The following FAF2 variants were observed in gnomAD, a reference collection of about 807,000 sequenced individuals.
FAF2 encodes FAS-associated factor 2.
FAF2 carries 9 observed loss-of-function variants against 62.3 expected under a neutral mutation model. That is an observed-to-expected ratio of 0.14 (90% CI 0.09 to 0.25). The LOEUF (loss-of-function observed/expected upper bound fraction) is 0.25, where lower values mean the gene tolerates loss of function less well. FAF2 is among the 10% of genes least tolerant of loss of function. The pLI, the probability that FAF2 is intolerant of heterozygous loss-of-function variation, is 1.00. For missense variants in FAF2, 368 were observed against 556.2 expected (o/e 0.66, Z 3.40); for synonymous variants, 202 against 198.0 (o/e 1.02, Z -0.17).
At chr5:176,498,792 C>T (rs974757605) in intron 8 of FAF2, 122 bp from the exon 9 acceptor site, 7 of 902,574 alleles carry the variant, frequency 7.8e-6, no homozygotes, top group Non-Finnish European at 1.1e-5. Flanking sequence ...AGTGTGAAAT[C>T]GTCATCTGCT....
Position 176,494,657 on chromosome 5 carries a change from C to T in FAF2, c.661+382C>T, listed in dbSNP as rs548065334. Among the ~76,000 whole-genome samples the T allele has an allele frequency of 2.0e-4, 30 of 152,220 alleles. No individual in the cohort carries two copies. The South Asian group carries it at 4.4e-3, about 22-fold the overall frequency. On this transcript the variant is annotated intron_variant, in intron 7 of 10. Transcript: ENST00000261942. The surrounding 1 kb of genome is among the most constrained non-coding windows in gnomAD (Gnocchi z 4.0). ...GCAACCTCCACCTCCTGGGTTCAAG[C>T]GATTGTCCTGCCTCAGCCTCCTGAG...
At chr5:176,488,595 G>A (rs1758915055) in intron 3 of FAF2, among the ~76,000 whole-genome samples, 1 of 151,714 alleles carries the variant, frequency 6.6e-6, no homozygotes, top group Non-Finnish European at 1.5e-5. Context: ...GCTAATTTTT[G>A]TATTTTTAGT....
chr5:176,464,437 T>C (rs1377609437), intron 1 of FAF2, among the ~76,000 whole-genome samples: 1 of 151,978 alleles, frequency 6.6e-6, no homozygotes, highest in African/African-American at 2.4e-5. Flanking sequence ...TGGTTATATC[T>C]TGATTTGCAC....
chr5:176,501,746 C>T (rs1755594004), intron 10 of FAF2, among the ~76,000 whole-genome samples: 1 of 151,962 alleles, frequency 6.6e-6, no homozygotes, highest in Non-Finnish European at 1.5e-5. Flanking sequence ...GGGGGAAGTG[C>T]TTATGTCTCT....
At position 176,448,406 on chromosome 5, in the gene FAF2, A is replaced by G; in HGVS notation, c.-2A>G. 1.2e-6 allele frequency: 2 copies of G among 1,605,504 alleles called. No individual in the cohort carries two copies. Among genetic ancestry groups the G allele is most frequent in the Admixed American group, 1.7e-5 (1 of 58,584 alleles). The stretch of plus-strand genomic sequence containing the variant: ...GGTCAGGAGCGTAGAGGCGGCGGCA[A>G]AATGGCGGCGCCTGAGGAGCGGGAT... On this transcript the variant is annotated 5_prime_UTR_variant, in exon 1 of 11. Coordinates refer to ENST00000261942, the MANE Select transcript of FAF2 (RefSeq NM_014613.3).
Position 176,507,400 on chromosome 5 carries a change from A to G in FAF2, c.*450A>G. ...CTTGCTTCTCCTGCCTCTGGGGAAG[A>G]GAGGGAAGAGAAAGCACAGAGCAGA... On this transcript the variant is annotated 3_prime_UTR_variant, in exon 11 of 11. Coordinates refer to ENST00000261942, the MANE Select transcript of FAF2 (RefSeq NM_014613.3). The G allele has an allele frequency of 2.3e-6, 1 of 437,230 alleles. No homozygotes were observed. The highest frequency in any genetic ancestry group is 1.6e-5 in the South Asian group (1 of 60,738). 27.1% of individuals were successfully genotyped at this position (437,230 alleles called of 1,614,324 possible). A position where few individuals can be genotyped will look rare whatever the true frequency, so the allele number is the denominator to read the frequency against.
rs527310160 is a variant in FAF2 at position 176,491,939 on chromosome 5, G to C, written c.345-255G>C. Among the ~76,000 whole-genome samples, 28 of 152,182 alleles carry C rather than the reference G, an allele frequency of 1.8e-4. No homozygotes were observed. The South Asian group carries it at 5.8e-3, about 32-fold the overall frequency. Reference sequence around the variant, plus strand: ...AAATTGTTCTACAAAAAATACTCAGGATTTATGTAGGCCAGTGTTGGAATT... The same window carrying C: ...AAATTGTTCTACAAAAAATACTCAGCATTTATGTAGGCCAGTGTTGGAATT... On this transcript the variant is annotated intron_variant, in intron 4 of 10. Coordinates refer to ENST00000261942, the MANE Select transcript of FAF2 (RefSeq NM_014613.3).
chr5:176,500,025 G>A lies in FAF2; in HGVS notation c.1034G>A (p.Arg345Lys), dbSNP rs767203421. Residue 345 changes from arginine to lysine, a missense_variant, in exon 10 of 11, where the codon AGG becomes AAG. Arg to Lys is a conservative substitution (Grantham distance 26, BLOSUM62 2). Around this residue, in one of 2 missense-constraint regions of FAF2, gnomAD observed 331 missense variants for 441.9 expected, o/e 0.75. Coordinates refer to ENST00000261942, the MANE Select transcript of FAF2 (RefSeq NM_014613.3). ...RRQNLQEEKERKLECLPPEPS... is the reference protein window; with the variant it reads ...RRQNLQEEKEKKLECLPPEPS... The stretch of plus-strand genomic sequence containing the variant: ...CAGAATTTACAGGAGGAAAAGGAAA[G>A]GAAGTTGGAATGCCTGCCCCCTGAA... 8.7e-6 allele frequency: 14 copies of A among 1,614,038 alleles called. No individual in the cohort carries two copies. Among genetic ancestry groups the A allele is most frequent in the African/African-American group, 2.7e-5 (2 of 74,908 alleles).
At chr5:176,481,656 C>CAA (rs1399294224) in intron 2 of FAF2, among the ~76,000 whole-genome samples, 1 of 137,508 alleles carries the variant, frequency 7.3e-6, no homozygotes. Context: ...GACTCTGTCT[C>CAA]AAAAAAAAAA....
intron 10 of FAF2, among the ~76,000 whole-genome samples, chr5:176,506,016 CCA>C (rs1755677526): frequency 5.9e-5 from 9 of 151,950 alleles, no homozygotes; most frequent in Admixed American, 1.3e-4. Context: ...CGGTGAAACC[CCA>C]TCTCTGCTAA....
chr5:176,503,936 C>T (rs28422798), intron 10 of FAF2, among the ~76,000 whole-genome samples: 10 of 151,974 alleles, frequency 6.6e-5, no homozygotes, highest in African/African-American at 1.9e-4. Flanking sequence ...CCAAGGCAGG[C>T]GGATCACTTA....
At chr5:176,454,647 A>G (rs941894970) in intron 1 of FAF2, among the ~76,000 whole-genome samples, 2 of 151,800 alleles carry the variant, frequency 1.3e-5, no homozygotes, top group Admixed American at 1.3e-4. Flanking sequence ...TTAGCAACAT[A>G]CAATTGTATT....
rs143846032 is a variant in FAF2 at position 176,507,068 on chromosome 5, T to A, written c.*118T>A. 1.4e-4 allele frequency: 76 copies of A among 538,718 alleles called. No individual in the cohort carries two copies. The highest frequency in any genetic ancestry group is 8.1e-4 in the South Asian group (9 of 11,116). 33.4% of individuals were successfully genotyped at this position (538,718 alleles called of 1,614,324 possible). On this transcript the variant is annotated 3_prime_UTR_variant, in exon 11 of 11. Transcript: ENST00000261942. ...GAGAAATTCATATTATTATTATTATTATAATACAATATTTTTTTTAAAAGA... is the reference window on the plus strand; with the variant it reads ...GAGAAATTCATATTATTATTATTATAATAATACAATATTTTTTTTAAAAGA...
intron 2 of FAF2, among the ~76,000 whole-genome samples, chr5:176,482,162 A>C (rs541696536): frequency 6.6e-6 from 1 of 151,040 alleles, no homozygotes; most frequent in African/African-American, 2.4e-5. Flanking sequence ...AAAAATGTCT[A>C]TTCAAGTCCT....
rs774981774 is a variant in FAF2 at position 176,506,875 on chromosome 5, C to G, written c.1263C>G (p.Pro421=). The part of the protein sequence containing the change: ...VLPCIPSEEW[P]NPPTLQEAGL... Reference sequence around the variant, plus strand: ...CCTGCATCCCTTCAGAGGAGTGGCCCAATCCCCCTACGCTACAGGAGGCCG... The same window carrying G: ...CCTGCATCCCTTCAGAGGAGTGGCCGAATCCCCCTACGCTACAGGAGGCCG... The change falls in exon 11 of 11, where the codon CCC becomes CCG. Residue 421 remains proline (P), a synonymous_variant. Transcript: ENST00000261942. 1 of 1,613,764 alleles carries G rather than the reference C, an allele frequency of 6.2e-7. No homozygotes were observed. The highest frequency in any genetic ancestry group is 1.7e-5 in the Admixed American group (1 of 59,966).
intron 1 of FAF2, among the ~76,000 whole-genome samples, chr5:176,460,413 C>T (rs1314290613): frequency 7.3e-5 from 11 of 151,586 alleles, no homozygotes; most frequent in Non-Finnish European, 8.8e-5. Flanking sequence ...TATTTTTTGA[C>T]TTTTTAGTAA....
intron 9 of FAF2, 72 bp from the exon 10 acceptor site, chr5:176,499,931 C>T (rs1755566204): frequency 1.3e-5 from 20 of 1,551,018 alleles, no homozygotes; most frequent in South Asian, 2.4e-5. Flanking sequence ...CTGACGACTG[C>T]GTAATAAAGC....
intron 7 of FAF2, among the ~76,000 whole-genome samples, chr5:176,495,673 T>G (rs959131528): frequency 6.6e-6 from 1 of 151,924 alleles, no homozygotes; most frequent in Non-Finnish European, 1.5e-5. Flanking sequence ...CACCACACCC[T>G]GCTAATTTTT....
intron 1 of FAF2, among the ~76,000 whole-genome samples, chr5:176,460,333 A>G: frequency 6.6e-6 from 1 of 152,106 alleles, no homozygotes; most frequent in Non-Finnish European, 1.5e-5. Flanking sequence ...CACAGTGGCT[A>G]AACTAACTTA....
Sources: allele counts gnomAD v4.1 joint callset (sites outside exome capture counted in the v4.1 genomes callset), GRCh38; gene constraint gnomAD v4.1.1; regional missense constraint gnomAD v4.1.1; non-coding constraint Gnocchi (gnomAD v3.1); transcripts MANE v1.5; gene names NCBI Gene and HGNC (gene_info 2026-07-23, HGNC 2026-07-21).